Variants in CNOT6L observed in about 807,000 individuals in gnomAD.
The protein encoded by CNOT6L is CCR4-NOT transcription complex subunit 6-like.
A neutral mutation model predicts 64.0 loss-of-function variants in CNOT6L; 7 were observed. The observed-to-expected ratio is 0.11, with a 90% CI of 0.06 to 0.21. The LOEUF (loss-of-function observed/expected upper bound fraction) is 0.21. Ranked by LOEUF, CNOT6L falls within the 10% of genes least tolerant of loss-of-function variation. The pLI is 1.00. For synonymous variants in CNOT6L, 193 were observed against 243.4 expected (o/e 0.79, Z 1.93); for missense variants, 245 against 669.0 (o/e 0.37, Z 6.99).
chr4:77,731,323 T>C (rs1430796086), intron 9 of CNOT6L, 64 bp downstream of exon 9: 1 of 1,510,694 alleles, frequency 6.6e-7, no homozygotes, highest in Non-Finnish European at 9.1e-7. Context: ...TCTTCACTTG[T>C]TTTGAGATGG....
rs566708876 is a variant in CNOT6L, at chr4:77,741,373, C to T, written c.872+768G>A. 3.3e-5 allele frequency among the ~76,000 whole-genome samples: 5 copies of T among 152,230 alleles called. 1 individual carries two copies. The South Asian group carries it at 1.0e-3, about 32-fold the overall frequency. On this transcript the variant is annotated intron_variant, in intron 8 of 11. Coordinates refer to ENST00000504123, the MANE Select transcript of CNOT6L (RefSeq NM_144571.3). ...TGTAAAATGGGGAAATACTGGAAAA[C>T]AGCTGTAAGCATGTATATGCTTATC... is the stretch of plus-strand genomic sequence containing the variant.
intron 4 of CNOT6L, among the ~76,000 whole-genome samples, chr4:77,761,860 C>A (rs1726280115): frequency 6.6e-6 from 1 of 151,988 alleles, no homozygotes; most frequent in Non-Finnish European, 1.5e-5. Context: ...TCGTAAAAAG[C>A]TCCAAGAAAA....
intron 4 of CNOT6L, among the ~76,000 whole-genome samples, chr4:77,757,185 A>G (rs1725664559): frequency 6.6e-6 from 1 of 152,140 alleles, no homozygotes; most frequent in Non-Finnish European, 1.5e-5. Flanking sequence ...AAAAGCATAT[A>G]TATTAATCAT....
At chr4:77,771,689 C>A (rs1203979308) in intron 4 of CNOT6L, among the ~76,000 whole-genome samples, 2 of 152,126 alleles carry the variant, frequency 1.3e-5, no homozygotes, top group Non-Finnish European at 2.9e-5. Flanking sequence ...ATAAGGAAAC[C>A]TAATTATCAT....
At chr4:77,722,171 G>A (rs1208771106) in intron 11 of CNOT6L, among the ~76,000 whole-genome samples, 2 of 151,984 alleles carry the variant, frequency 1.3e-5, no homozygotes, top group Non-Finnish European at 2.9e-5. Flanking sequence ...CAAGGATCAC[G>A]GTAGTTTTAC....
At chr4:77,762,976 T>C (rs1726407209) in intron 4 of CNOT6L, among the ~76,000 whole-genome samples, 1 of 152,116 alleles carries the variant, frequency 6.6e-6, no homozygotes, top group South Asian at 2.1e-4. Flanking sequence ...ACTTTAAAAG[T>C]AATCTTTAAA....
intron 1 of CNOT6L, among the ~76,000 whole-genome samples, chr4:77,816,538 A>C (rs1437950400): frequency 2.0e-5 from 3 of 152,180 alleles, no homozygotes; most frequent in East Asian, 3.8e-4. Context: ...ATAAAAATTC[A>C]AGCCCCTCAA....
At chr4:77,731,062 A>G (rs1009287855) in intron 9 of CNOT6L, among the ~76,000 whole-genome samples, 1 of 152,140 alleles carries the variant, frequency 6.6e-6, no homozygotes, top group South Asian at 2.1e-4. Flanking sequence ...ATTCAAAAAG[A>G]GGGCCAAGTC....
At position 77,720,611 on chromosome 4, in the gene CNOT6L, A is replaced by T. The variant is rs766028151; in HGVS notation, c.1488T>A (p.Thr496=). Residue 496 remains threonine, a synonymous_variant, in exon 12 of 12, where the codon ACT becomes ACA. Transcript: ENST00000504123. The part of the protein sequence containing the change: ...GVIDYIFYSK[T]HMNVLGVLGP... ...CCAGGACACCAAGCACGTTCATATG[A>T]GTCTTGGAATAGAAAATGTAGTCAA... 6.2e-7 allele frequency: 1 copy of T among 1,613,350 alleles called. No homozygotes were observed. Among genetic ancestry groups the T allele is most frequent in the South Asian group, 1.1e-5 (1 of 91,076 alleles).
At chr4:77,819,077 C>CACACACACACACACACA (rs1433984957) in intron 1 of CNOT6L, 1 of 785,908 alleles carries the variant, frequency 1.3e-6, no homozygotes, top group South Asian at 1.5e-5. Flanking sequence ...CACACACACC[C>CACACACACACACACACA]CGGAACCTTC....
intron 1 of CNOT6L, among the ~76,000 whole-genome samples, chr4:77,776,955 A>T (rs1287624611): frequency 6.6e-6 from 1 of 152,212 alleles, no homozygotes; most frequent in Non-Finnish European, 1.5e-5. Flanking sequence ...GCCACGCAAC[A>T]ACGATAAGGA....
intron 4 of CNOT6L, among the ~76,000 whole-genome samples, chr4:77,770,025 A>G (rs1228332111): frequency 6.6e-6 from 1 of 152,100 alleles, no homozygotes; most frequent in Non-Finnish European, 1.5e-5. Flanking sequence ...ATACATTTTT[A>G]TTTTTCTAAG....
chr4:77,794,294 A>G (rs532174638), intron 1 of CNOT6L, among the ~76,000 whole-genome samples: 1 of 151,872 alleles, frequency 6.6e-6, no homozygotes, highest in Admixed American at 6.6e-5. Context: ...CATAAAGTTG[A>G]GGCAAACATT....
chr4:77,798,724 C>T (rs567561934), intron 1 of CNOT6L, among the ~76,000 whole-genome samples: 118 of 147,736 alleles, frequency 8.0e-4, no homozygotes, highest in Non-Finnish European at 1.2e-3. Flanking sequence ...GTGGCTCACA[C>T]GTATAATTGC....
At chr4:77,800,437 G>GCCC (rs1326781321) in intron 1 of CNOT6L, among the ~76,000 whole-genome samples, 2 of 151,808 alleles carry the variant, frequency 1.3e-5, no homozygotes, top group Non-Finnish European at 2.9e-5. Flanking sequence ...GATTACTTGA[G>GCCC]CCCAGGAGGT....
chr4:77,818,953 C>G (rs1578020257), intron 1 of CNOT6L: 2 of 652,002 alleles, frequency 3.1e-6, no homozygotes, highest in Non-Finnish European at 5.6e-6. Context: ...CCCCGGCCGG[C>G]CCCCTAGGAG....
At chr4:77,806,810 T>C (rs1732280158) in intron 1 of CNOT6L, among the ~76,000 whole-genome samples, 1 of 152,118 alleles carries the variant, frequency 6.6e-6, no homozygotes, top group African/African-American at 2.4e-5. Flanking sequence ...AACCAGAAAT[T>C]TACTTACTTT....
At chr4:77,815,864 G>GGAACTGTCATGAAAGCAAGT (rs1304314012) in intron 1 of CNOT6L, among the ~76,000 whole-genome samples, 1 of 152,164 alleles carries the variant, frequency 6.6e-6, no homozygotes, top group Non-Finnish European at 1.5e-5. Flanking sequence ...CACCTGCACT[G>GGAACTGTCATGAAAGCAAGT]GAACTGTCAT....
intron 1 of CNOT6L, among the ~76,000 whole-genome samples, chr4:77,799,780 T>C (rs1044614842): frequency 3.3e-5 from 5 of 149,612 alleles, no homozygotes; most frequent in Non-Finnish European, 7.4e-5. Flanking sequence ...AAGGATCACA[T>C]ATCATCTATT....
Sources: gnomAD v4.1 joint callset for allele counts (sites outside exome capture counted in the v4.1 genomes callset) on GRCh38, gnomAD v4.1.1 for gene constraint, MANE v1.5 for transcripts, NCBI Gene and HGNC (gene_info 2026-07-23, HGNC 2026-07-21) for gene names.